The following NAALADL2 variants were observed in gnomAD, a reference collection of about 807,000 sequenced individuals.
The protein encoded by NAALADL2 is N-acetylated alpha-linked acidic dipeptidase like 2, also known as inactive N-acetylated-alpha-linked acidic dipeptidase-like protein 2.
NAALADL2 carries 76 observed loss-of-function variants against 87.2 expected under a neutral mutation model. That is an observed-to-expected ratio of 0.87 (90% CI 0.72 to 1.05). NAALADL2 has a LOEUF of 1.05. Among genes scored for constraint, NAALADL2 ranks in the 50% least tolerant of loss-of-function variants. The pLI, the probability that NAALADL2 is intolerant of heterozygous loss-of-function variation, is 0.00. For synonymous variants in NAALADL2, 354 were observed against 331.0 expected, an observed-to-expected ratio of 1.07 and a Z score of -0.75; for missense variants, 1,089 against 945.8, an observed-to-expected ratio of 1.15 and a Z score of -1.99.
intron 2 of NAALADL2, among the ~76,000 whole-genome samples, chr3:174,611,575 C>T (rs1719885787): frequency 2.0e-5 from 3 of 151,944 alleles, no homozygotes; most frequent in Middle Eastern, 3.4e-3. Context: ...TTTGTAGCTT[C>T]GATTATTTCT....
intron 5 of NAALADL2, among the ~76,000 whole-genome samples, chr3:175,373,821 G>C (rs892785770): frequency 6.6e-6 from 1 of 152,044 alleles, no homozygotes. Flanking sequence ...CTTGAAACAC[G>C]CATATTGTCA....
chr3:175,414,285 G>A (rs1714180074), intron 5 of NAALADL2, among the ~76,000 whole-genome samples: 2 of 152,100 alleles, frequency 1.3e-5, no homozygotes, highest in Admixed American at 1.3e-4. Flanking sequence ...GATGAATAGT[G>A]AATTAAGGCT....
chr3:175,088,200 AC>A (rs1159015015), intron 1 of NAALADL2, among the ~76,000 whole-genome samples: 2 of 152,182 alleles, frequency 1.3e-5, no homozygotes, highest in African/African-American at 4.8e-5. Context: ...TTGTAGCCTA[AC>A]AGTGTGTAAG....
intron 11 of NAALADL2, among the ~76,000 whole-genome samples, 166 bp downstream of exon 11, chr3:175,627,552 A>G (rs1727161116): frequency 7.1e-6 from 1 of 140,890 alleles, no homozygotes; most frequent in Non-Finnish European, 1.6e-5. Context: ...GGAATAAATA[A>G]TTCATTCAAG....
At chr3:175,487,813 C>T (rs777434863) in intron 9 of NAALADL2, among the ~76,000 whole-genome samples, 1 of 152,044 alleles carries the variant, frequency 6.6e-6, no homozygotes, top group Non-Finnish European at 1.5e-5. Flanking sequence ...GTGTCTAATC[C>T]AGATATGGTA....
intron 3 of NAALADL2, among the ~76,000 whole-genome samples, chr3:174,805,321 AAAG>A (rs1239657331): frequency 3.9e-5 from 6 of 152,296 alleles, no homozygotes; most frequent in Non-Finnish European, 5.9e-5. Flanking sequence ...GTGGCGATAA[AAAG>A]AAGAATATGT....
At chr3:175,710,146 C>T (rs1168973389) in intron 11 of NAALADL2, among the ~76,000 whole-genome samples, 4 of 151,550 alleles carry the variant, frequency 2.6e-5, no homozygotes, top group Admixed American at 2.6e-4. Flanking sequence ...GAGAAATCAC[C>T]GGTAAATCAG....
At chr3:174,818,915 T>A (rs1416039779) in intron 3 of NAALADL2, among the ~76,000 whole-genome samples, 1 of 152,126 alleles carries the variant, frequency 6.6e-6, no homozygotes, top group African/African-American at 2.4e-5. Flanking sequence ...TGCTTCTGAT[T>A]TTCTTTTTAA....
chr3:174,789,303 C>T (rs1717179970), intron 3 of NAALADL2, among the ~76,000 whole-genome samples: 1 of 152,076 alleles, frequency 6.6e-6, no homozygotes, highest in Admixed American at 6.6e-5. Flanking sequence ...TGCATTTTGC[C>T]ACCACCAAAA....
intron 1 of NAALADL2, among the ~76,000 whole-genome samples, chr3:175,026,044 C>T (rs1190930302): frequency 6.6e-6 from 1 of 152,070 alleles, no homozygotes; most frequent in African/African-American, 2.4e-5. Context: ...TTCCTGGGCT[C>T]AAACCATACA....
At chr3:174,911,251 T>C (rs1470791303) in intron 1 of NAALADL2, among the ~76,000 whole-genome samples, 1 of 152,118 alleles carries the variant, frequency 6.6e-6, no homozygotes, top group East Asian at 1.9e-4. Context: ...TTCTTGCTAA[T>C]TGTATAGTCC....
intron 2 of NAALADL2, among the ~76,000 whole-genome samples, chr3:174,598,910 C>T (rs949978413): frequency 1.3e-5 from 2 of 152,024 alleles, no homozygotes; most frequent in African/African-American, 2.4e-5. Context: ...CATTGTCATA[C>T]GTCTGTGGCA....
At chr3:174,513,899 G>A (rs972669584) in intron 1 of NAALADL2, among the ~76,000 whole-genome samples, 4 of 152,132 alleles carry the variant, frequency 2.6e-5, no homozygotes, top group East Asian at 1.9e-4. Flanking sequence ...TTCCTTCAGC[G>A]TCATGTCTTG....
At chr3:174,512,039 A>T (rs73882408) in intron 1 of NAALADL2, among the ~76,000 whole-genome samples, 1,644 of 152,212 alleles carry the variant, frequency 0.011, 31 homozygotes, top group African/African-American at 0.038. Context: ...TAAACTGAGA[A>T]TCCTTATATG....
chr3:174,988,680 C>T (rs1048659210), intron 1 of NAALADL2, among the ~76,000 whole-genome samples: 1 of 152,138 alleles, frequency 6.6e-6, no homozygotes, highest in African/African-American at 2.4e-5. Context: ...TGGCTTGTGA[C>T]AGCATAACTC....
chr3:174,667,820 T>G (rs139733977), intron 2 of NAALADL2, among the ~76,000 whole-genome samples: 1 of 151,962 alleles, frequency 6.6e-6, no homozygotes, highest in Non-Finnish European at 1.5e-5. Context: ...ACAGGAGGAA[T>G]TGGAAAAAAG....
chr3:175,625,482 C>T (rs2149711242), intron 10 of NAALADL2, among the ~76,000 whole-genome samples: 1 of 152,026 alleles, frequency 6.6e-6, no homozygotes, highest in Admixed American at 6.6e-5. Flanking sequence ...TTTATTTAGT[C>T]TAAGCAAGGA....
chr3:175,217,258 C>T (rs1293733511), intron 2 of NAALADL2, among the ~76,000 whole-genome samples: 1 of 152,142 alleles, frequency 6.6e-6, no homozygotes, highest in African/African-American at 2.4e-5. Context: ...AAAATCAAGA[C>T]ATTTCAGTTC....
At chr3:174,629,188 G>T (rs1721877804) in intron 2 of NAALADL2, among the ~76,000 whole-genome samples, 1 of 152,128 alleles carries the variant, frequency 6.6e-6, no homozygotes, top group Non-Finnish European at 1.5e-5. Context: ...TATTTAACAA[G>T]TTGATTTTCC....
Sources: allele counts gnomAD v4.1 joint callset (sites outside exome capture counted in the v4.1 genomes callset), GRCh38; gene constraint gnomAD v4.1.1; transcripts MANE v1.5; gene names NCBI Gene and HGNC (gene_info 2026-07-23, HGNC 2026-07-21).